The following PKHD1L1 variants were observed in gnomAD, a reference collection of about 807,000 sequenced individuals.
PKHD1L1 encodes PKHD1 like 1, also known as fibrocystin-L.
In PKHD1L1, 434 loss-of-function variants were observed where a neutral mutation model predicts 462.9. The ratio of observed to expected loss-of-function variants is 0.94; its 90% confidence interval spans 0.87 to 1.02. PKHD1L1 has a LOEUF of 1.02. Among genes scored for constraint, PKHD1L1 ranks in the 50% least tolerant of loss-of-function variants. The pLI, the probability that PKHD1L1 is intolerant of heterozygous loss-of-function variation, is 0.00. For missense variants in PKHD1L1, 5,202 were observed against 5,096.1 expected (o/e 1.02, Z -0.63); for synonymous variants, 1,781 against 1,750.0 (o/e 1.02, Z -0.44).
At chr8:109,366,143 A>T (rs759680237) in intron 2 of PKHD1L1, among the ~76,000 whole-genome samples, 8 of 152,216 alleles carry the variant, frequency 5.3e-5, no homozygotes. Context: ...TATCCTTTTA[A>T]ATCTAGCTAA....
intron 3 of PKHD1L1, among the ~76,000 whole-genome samples, chr8:109,381,840 T>C (rs1004133047): frequency 3.3e-5 from 5 of 152,158 alleles, no homozygotes; most frequent in African/African-American, 1.2e-4. Flanking sequence ...TTTTGTTCAA[T>C]TTGATGAATT....
intron 63 of PKHD1L1, 64 bp downstream of exon 63, chr8:109,493,815 A>G: frequency 8.9e-7 from 1 of 1,122,312 alleles, no homozygotes; most frequent in Admixed American, 2.6e-5. Context: ...TGTTAAAATA[A>G]ATAATTATTG....
intron 46 of PKHD1L1, among the ~76,000 whole-genome samples, chr8:109,457,041 A>G (rs1048595350): frequency 1.3e-5 from 2 of 152,188 alleles, no homozygotes; most frequent in African/African-American, 2.4e-5. Context: ...AAATTAACAT[A>G]ACACCACCAA....
rs962840098 is a variant in PKHD1L1, at chr8:109,436,280, T to A, written c.3506-58T>A. 20 of 1,532,504 alleles carry A rather than the reference T, an allele frequency of 1.3e-5. No individual in the cohort carries two copies. In the Admixed American group the frequency reaches 3.9e-4, roughly 30 times the overall value. 94.9% of individuals were successfully genotyped at this position (1,532,504 alleles called of 1,614,324 possible). A position where few individuals can be genotyped will look rare whatever the true frequency, so the allele number is the denominator to read the frequency against. On this transcript the variant is annotated intron_variant, in intron 29 of 77. Transcript: ENST00000378402. ...AATTCTCAAAAAATGTTACTAACAT[T>A]TCTTTTTGTTATAGTTGAACTGTTT... is the stretch of plus-strand genomic sequence containing the variant.
chr8:109,509,203 G>T (rs1311968424), intron 70 of PKHD1L1, among the ~76,000 whole-genome samples: 1 of 152,006 alleles, frequency 6.6e-6, no homozygotes, highest in Admixed American at 6.6e-5. Flanking sequence ...TGCTATGCCT[G>T]GTTTCTGTGA....
chr8:109,376,141 G>T (rs1337206033), intron 2 of PKHD1L1, among the ~76,000 whole-genome samples: 1 of 152,348 alleles, frequency 6.6e-6, no homozygotes, highest in East Asian at 1.9e-4. Context: ...AGCTGTGGTG[G>T]GCTCCACCCA....
intron 6 of PKHD1L1, 70 bp downstream of exon 6, chr8:109,385,700 T>C (rs1812406898): frequency 2.0e-6 from 2 of 978,588 alleles, no homozygotes; most frequent in East Asian, 2.8e-5. Flanking sequence ...AAATAATGGG[T>C]CCAATGATAT....
chr8:109,524,551 C>A (rs917510311), intron 76 of PKHD1L1, among the ~76,000 whole-genome samples: 3 of 152,148 alleles, frequency 2.0e-5, no homozygotes, highest in Non-Finnish European at 4.4e-5. Flanking sequence ...AAAGAACCAA[C>A]CTTGTGACTA....
At chr8:109,466,110 T>G (rs2130837349) in intron 49 of PKHD1L1, among the ~76,000 whole-genome samples, 1 of 152,344 alleles carries the variant, frequency 6.6e-6, no homozygotes, top group Non-Finnish European at 1.5e-5. Context: ...GTTGTTAACT[T>G]CTGTTTCAAG....
At chr8:109,394,715 T>A (rs1188632993) in intron 10 of PKHD1L1, among the ~76,000 whole-genome samples, 1 of 152,140 alleles carries the variant, frequency 6.6e-6, no homozygotes, top group African/African-American at 2.4e-5. Flanking sequence ...AATAAACTCA[T>A]TACACTAACA....
At chr8:109,432,146 CT>C (rs1815142871) in intron 27 of PKHD1L1, among the ~76,000 whole-genome samples, 1 of 151,914 alleles carries the variant, frequency 6.6e-6, no homozygotes, top group African/African-American at 2.4e-5. Flanking sequence ...ATTGAATTGT[CT>C]TTTTAAAATT....
At chr8:109,363,451 C>G (rs1222191110) in intron 1 of PKHD1L1, among the ~76,000 whole-genome samples, 1 of 152,168 alleles carries the variant, frequency 6.6e-6, no homozygotes, top group African/African-American at 2.4e-5. Context: ...CTTTTTAAGA[C>G]AGAACTGAAC....
chr8:109,452,774 A>C lies in PKHD1L1; in HGVS notation c.6564A>C (p.Gly2188=), dbSNP rs769223422. Residue 2188 remains glycine, a synonymous_variant, in exon 43 of 78, where the codon GGA becomes GGC. Coordinates refer to ENST00000378402, the MANE Select transcript of PKHD1L1 (RefSeq NM_177531.6). ...GGTCCTCCAATTTCTCATGGGGGGG[A>C]AAATCTCCCCCAGAAGAAGGATCTC... ...DAWSSNFSWG[G]KSPPEEGSLV... is the part of the protein sequence containing the mutation. 6.5e-7 allele frequency: 1 copy of C among 1,528,914 alleles called. No individual in the cohort carries two copies. The highest frequency in any genetic ancestry group is 1.3e-5 in the South Asian group (1 of 76,802). 94.7% of individuals were successfully genotyped at this position (1,528,914 alleles called of 1,614,324 possible). A position where few individuals can be genotyped will look rare whatever the true frequency, so the allele number is the denominator to read the frequency against.
At chr8:109,503,822 G>T (rs1819557245) in intron 67 of PKHD1L1, among the ~76,000 whole-genome samples, 1 of 152,196 alleles carries the variant, frequency 6.6e-6, no homozygotes, top group Non-Finnish European at 1.5e-5. Context: ...ACCTGGTCTT[G>T]TCCATTAGGT....
chr8:109,406,101 A>G (rs1047794414), intron 16 of PKHD1L1, among the ~76,000 whole-genome samples: 5 of 152,244 alleles, frequency 3.3e-5, no homozygotes, highest in African/African-American at 1.2e-4. Context: ...CTGTGGGAAT[A>G]TTAAAACAAT....
chr8:109,504,300 A>G (rs1819580528), intron 67 of PKHD1L1, 27 bp from the exon 68 acceptor site: 3 of 1,304,606 alleles, frequency 2.3e-6, no homozygotes, highest in Non-Finnish European at 3.1e-6. Context: ...AGAGAAAATA[A>G]TCACTTATCT....
In PKHD1L1 at chr8:109,371,685, G is replaced by A. The variant is rs1811519312; in HGVS notation, c.163+7049G>A. Among the ~76,000 whole-genome samples, 2 of 135,880 alleles carry A rather than the reference G, an allele frequency of 1.5e-5. 1 individual carries two copies. Among genetic ancestry groups the A allele is most frequent in the African/African-American group, 5.3e-5 (2 of 37,836 alleles). 89.1% of individuals were successfully genotyped at this position (135,880 alleles called of 152,430 possible). The stretch of plus-strand genomic sequence containing the variant: ...CCATCTTGAATTAATTTTTGATAAG[G>A]TGTAAGGAAGGGATCCAGTTTCAGC... On this transcript the variant is annotated intron_variant, in intron 2 of 77. Coordinates refer to ENST00000378402, the MANE Select transcript of PKHD1L1 (RefSeq NM_177531.6).
Position 109,491,889 on chromosome 8 carries a change from G to A in PKHD1L1, c.10131G>A (p.Gly3377=), listed in dbSNP as rs1818846556. ...TTTAAACAGGCATAAGAATATGGGG[G>A]AATGCCAACCGAGTCCGAGGGAATT... ...FTVGEGIRIW[G]NANRVRGNLI... is the part of the protein sequence containing the mutation. Residue 3377 remains glycine, a synonymous_variant, in exon 62 of 78, where the codon GGG becomes GGA. Transcript: ENST00000378402. 1.2e-6 allele frequency: 2 copies of A among 1,602,432 alleles called. No individual in the cohort carries two copies. The highest frequency in any genetic ancestry group is 2.7e-5 in the African/African-American group (2 of 74,546).
chr8:109,388,489 T>G lies in PKHD1L1; in HGVS notation c.570-8T>G. On this transcript the variant is annotated splice_polypyrimidine_tract_variant and splice_region_variant and intron_variant, in intron 6 of 77. Coordinates refer to ENST00000378402, the MANE Select transcript of PKHD1L1 (RefSeq NM_177531.6). ...ACTTGATTTTTTCTAATAAAAATAT[T>G]TGTACAGAGTTTACATTGGAGGAAT... is the stretch of plus-strand genomic sequence containing the variant. The G allele has an allele frequency of 6.7e-7, 1 of 1,496,240 alleles. No homozygotes were observed. Among genetic ancestry groups the G allele is most frequent in the Non-Finnish European group, 9.1e-7 (1 of 1,099,494 alleles). 92.7% of individuals were successfully genotyped at this position (1,496,240 alleles called of 1,614,324 possible).
Sources: allele counts gnomAD v4.1 joint callset (sites outside exome capture counted in the v4.1 genomes callset), GRCh38; gene constraint gnomAD v4.1.1; transcripts MANE v1.5; gene names NCBI Gene and HGNC (gene_info 2026-07-23, HGNC 2026-07-21).